GALNT6: variants seen among roughly 807,000 people sequenced by gnomAD.
GALNT6 encodes the protein GalNAc transferase 6.
GALNT6 carries 51 observed loss-of-function variants against 65.9 expected under a neutral mutation model. The observed-to-expected ratio is 0.77, with a 90% CI of 0.62 to 0.98. GALNT6 has a LOEUF of 0.98. Ranked by LOEUF, GALNT6 falls within the 50% of genes least tolerant of loss-of-function variation. GALNT6 has a pLI of 0.00. For synonymous variants in GALNT6, 323 were observed against 315.1 expected (o/e 1.02, Z -0.26); for missense variants, 708 against 803.3 (o/e 0.88, Z 1.43).
chr12:51,363,337 G>A (rs893947907), intron 6 of GALNT6, among the ~76,000 whole-genome samples: 2 of 152,170 alleles, frequency 1.3e-5, no homozygotes, highest in Admixed American at 1.3e-4. Flanking sequence ...TGAGCCCAGT[G>A]GGCATTAAAC....
intron 8 of GALNT6, among the ~76,000 whole-genome samples, 191 bp from the exon 9 acceptor site, chr12:51,358,452 C>T (rs1218268557): frequency 6.6e-6 from 1 of 152,114 alleles, no homozygotes; most frequent in Non-Finnish European, 1.5e-5. Flanking sequence ...AGTCGCGCAC[C>T]ACCACGCCCA....
At chr12:51,365,689 C>A in intron 4 of GALNT6, 110 bp from the exon 5 acceptor site, 1 of 1,060,310 alleles carries the variant, frequency 9.4e-7, no homozygotes, top group Non-Finnish European at 1.4e-6. Flanking sequence ...GAATTTTAAA[C>A]CCCCAACACC....
At chr12:51,355,363 C>T (rs1382953620) in intron 11 of GALNT6, among the ~76,000 whole-genome samples, 1 of 152,104 alleles carries the variant, frequency 6.6e-6, no homozygotes, top group Middle Eastern at 3.2e-3. Flanking sequence ...TGCCTGTGGC[C>T]ACACACACAC....
At position 51,352,413 on chromosome 12, in the gene GALNT6, G is replaced by T. The variant is rs1432615098; in HGVS notation, c.*1966C>A. 6.6e-6 allele frequency: 1 copy of T among 152,194 alleles called. No homozygotes were observed. Among genetic ancestry groups the T allele is most frequent in the Admixed American group, 6.5e-5 (1 of 15,282 alleles). The allele number at this position is 152,194 out of a possible 1,614,324, so 9.4% of individuals were successfully genotyped here. ...TTACCTGGACTCAGTTTCATAATATGAAAATGATAGGGTTGGGCTACGTGA... is the reference window on the plus strand; with the variant it reads ...TTACCTGGACTCAGTTTCATAATATTAAAATGATAGGGTTGGGCTACGTGA... On this transcript the variant is annotated 3_prime_UTR_variant, in exon 12 of 12. Transcript: ENST00000356317.
intron 3 of GALNT6, among the ~76,000 whole-genome samples, chr12:51,378,520 C>G (rs1008395004): frequency 6.6e-6 from 1 of 152,132 alleles, no homozygotes; most frequent in Non-Finnish European, 1.5e-5. Context: ...CTAGGGCTAT[C>G]ATACTTGGCT....
intron 11 of GALNT6, 76 bp downstream of exon 11, chr12:51,355,730 G>C (rs1946725229): frequency 7.0e-7 from 1 of 1,433,782 alleles, no homozygotes; most frequent in Non-Finnish European, 9.7e-7. Flanking sequence ...GCCTCTCAAA[G>C]TGCTGGGATT....
intron 4 of GALNT6, among the ~76,000 whole-genome samples, chr12:51,369,569 A>C (rs145095438): frequency 6.6e-6 from 1 of 152,226 alleles, no homozygotes; most frequent in Admixed American, 6.5e-5. Flanking sequence ...CACCGCACTC[A>C]GTTCCATGAT....
chr12:51,376,447 A>G (rs989549856), intron 4 of GALNT6, among the ~76,000 whole-genome samples: 1 of 151,886 alleles, frequency 6.6e-6, no homozygotes, highest in Non-Finnish European at 1.5e-5. Flanking sequence ...CAACCTGACC[A>G]ACATGGAGAA....
rs1383550508 is a variant in GALNT6 at position 51,387,439 on chromosome 12, G to A, written c.-104+3411C>T. Among the ~76,000 whole-genome samples the A allele has an allele frequency of 1.3e-5, 2 of 152,114 alleles. No homozygotes were observed. The highest frequency in any genetic ancestry group is 2.4e-5 in the African/African-American group (1 of 41,424). On this transcript the variant is annotated intron_variant, in intron 2 of 11. Transcript: ENST00000356317. The surrounding 1 kb of genome is among the most constrained non-coding windows in gnomAD (Gnocchi z 4.2). ...TTTAAGCTTAAATTACCCAAACATG[G>A]ATTTTCTATTGAAAAACTCAACCCA... is the stretch of plus-strand genomic sequence containing the variant.
chr12:51,354,207 G>T lies in GALNT6; in HGVS notation c.*172C>A. ...GTCTCTTCCATCGGTGTGAAGGAAA[G>T]AAAATGGGCCCAATGTTGTTGCAAG... On this transcript the variant is annotated 3_prime_UTR_variant, in exon 12 of 12. Coordinates refer to ENST00000356317, the MANE Select transcript of GALNT6 (RefSeq NM_007210.4). 1 of 530,748 alleles carries T rather than the reference G, an allele frequency of 1.9e-6. No individual in the cohort carries two copies. Among genetic ancestry groups the T allele is most frequent in the Non-Finnish European group, 3.3e-6 (1 of 303,724 alleles). 32.9% of individuals were successfully genotyped at this position (530,748 alleles called of 1,614,324 possible). A position where few individuals can be genotyped will look rare whatever the true frequency, so the allele number is the denominator to read the frequency against.
rs1947486028 is a variant in GALNT6, at chr12:51,377,251, G to C, written c.608C>G (p.Thr203Ser). The C allele has an allele frequency of 1.2e-6, 2 of 1,613,918 alleles. No individual in the cohort carries two copies. The highest frequency in any genetic ancestry group is 1.7e-6 in the Non-Finnish European group (2 of 1,180,020). The change falls in exon 4 of 12, where the codon ACC becomes AGC. Residue 203 changes from threonine (T) to serine (S), a missense_variant. Transcript: ENST00000356317. ...CTCCTTGAGCAAGATGGCAGGGGTG[G>C]TGTGTAGGACGCTGTACACTGTTCG... is the stretch of plus-strand genomic sequence containing the variant. Reference protein sequence around the residue: ...LLRTVYSVLHTTPAILLKEII... With the variant: ...LLRTVYSVLHSTPAILLKEII...
Position 51,355,814 on chromosome 12 carries a change from A to G in GALNT6, c.1747T>C (p.Leu583=). ...SQVPKDEEWE[L]AQDQLIRNSG... Reference sequence around the variant, plus strand: ...TCTGGACACTGACTCACCTGGGCCAATTCCCATTCCTCGTCCTTGGGGACC... The same window carrying G: ...TCTGGACACTGACTCACCTGGGCCAGTTCCCATTCCTCGTCCTTGGGGACC... The change falls in exon 11 of 12, where the codon TTG becomes CTG. Residue 583 remains leucine (L), a synonymous_variant. Transcript: ENST00000356317. The G allele has an allele frequency of 6.2e-7, 1 of 1,613,084 alleles. No individual in the cohort carries two copies. The highest frequency in any genetic ancestry group is 8.5e-7 in the Non-Finnish European group (1 of 1,179,644).
chr12:51,386,241 C>T (rs1366753232), intron 2 of GALNT6, among the ~76,000 whole-genome samples: 2 of 152,206 alleles, frequency 1.3e-5, no homozygotes, highest in African/African-American at 4.8e-5. Context: ...CAGCTAGTGG[C>T]TCCCAGGAGT....
At chr12:51,373,931 C>T (rs986347414) in intron 4 of GALNT6, among the ~76,000 whole-genome samples, 5 of 152,236 alleles carry the variant, frequency 3.3e-5, no homozygotes, top group African/African-American at 7.2e-5. Context: ...GCAGTCAAGG[C>T]TCACTGCAGT....
At chr12:51,384,087 C>T (rs916632559) in intron 2 of GALNT6, among the ~76,000 whole-genome samples, 6 of 152,160 alleles carry the variant, frequency 3.9e-5, no homozygotes, top group South Asian at 2.1e-4. Flanking sequence ...ATTTCCCTCT[C>T]GCTGTGGCTC....
chr12:51,385,268 T>G (rs1947796426), intron 2 of GALNT6, among the ~76,000 whole-genome samples: 1 of 152,196 alleles, frequency 6.6e-6, no homozygotes, highest in Admixed American at 6.5e-5. Flanking sequence ...GGATTACAGG[T>G]GTGAGCCATC....
At chr12:51,377,828 G>A (rs944510574) in intron 3 of GALNT6, among the ~76,000 whole-genome samples, 2 of 152,174 alleles carry the variant, frequency 1.3e-5, no homozygotes, top group Non-Finnish European at 2.9e-5. Flanking sequence ...AGAAGAAAAG[G>A]CTCTTCCCTT....
chr12:51,383,298 T>G lies in GALNT6; in HGVS notation c.-103-3414A>C, dbSNP rs536603274. ...TAAGCCCACACAGAGGCCTGCAGAA[T>G]GGGGGAGTGTTTGCCATGACAGCTT... On this transcript the variant is annotated intron_variant, in intron 2 of 11. Transcript: ENST00000356317. Among the ~76,000 whole-genome samples, 3 of 152,288 alleles carry G rather than the reference T, an allele frequency of 2.0e-5. No homozygotes were observed. In the East Asian group the frequency reaches 5.8e-4, roughly 29 times the overall value.
rs1346126619 is a variant in GALNT6 at position 51,364,214 on chromosome 12, C to T, written c.956G>A (p.Ser319Asn). 6.2e-7 allele frequency: 1 copy of T among 1,614,070 alleles called. No homozygotes were observed. Among genetic ancestry groups the T allele is most frequent in the African/African-American group, 1.3e-5 (1 of 74,932 alleles). The change falls in exon 6 of 12, where the codon AGC becomes AAC. Residue 319 changes from serine to asparagine, a missense_variant. Physicochemically the swap from Ser to Asn is conservative, Grantham distance 46. Transcript: ENST00000356317. ...AKPVQRGRVH[S>N]RGNFDWSLTF... The stretch of plus-strand genomic sequence containing the variant: ...CAGGCTCCAGTCAAAGTTGCCTCGG[C>T]TATGGACTCTGCCCCTCTGGACGGG...
Sources: allele counts gnomAD v4.1 joint callset (sites outside exome capture counted in the v4.1 genomes callset), GRCh38; gene constraint gnomAD v4.1.1; non-coding constraint Gnocchi (gnomAD v3.1); transcripts MANE v1.5; gene names NCBI Gene and HGNC (gene_info 2026-07-23, HGNC 2026-07-21).